Variants in TFRC observed in about 807,000 individuals in gnomAD.
TFRC encodes transferrin receptor.
A neutral mutation model predicts 85.8 loss-of-function variants in TFRC; 35 were observed. The ratio of observed to expected loss-of-function variants is 0.41; its 90% CI spans 0.31 to 0.54. The LOEUF (loss-of-function observed/expected upper bound fraction) is 0.54. Among genes scored for constraint, TFRC ranks in the 20% least tolerant of loss-of-function variants. The pLI is 0.31. For missense variants in TFRC, 828 were observed against 921.5 expected, an observed-to-expected ratio of 0.90 and a Z score of 1.31; for synonymous variants, 362 against 328.6, an observed-to-expected ratio of 1.10 and a Z score of -1.10.
At chr3:196,079,840 A>G (rs1361405915) in intron 1 of TFRC, among the ~76,000 whole-genome samples, 1 of 152,088 alleles carries the variant, frequency 6.6e-6, no homozygotes, top group Non-Finnish European at 1.5e-5. Flanking sequence ...GTTTTTACCC[A>G]CCAACATTCT....
intron 10 of TFRC, 42 bp downstream of exon 10, chr3:196,065,401 C>CA (rs200523802): frequency 0.063 from 64,546 of 1,019,832 alleles, 2,239 homozygotes; most frequent in South Asian, 0.1. Context: ...GAAAAGAAAA[C>CA]AAAAAAAAAG....
intron 1 of TFRC, among the ~76,000 whole-genome samples, chr3:196,080,794 T>C (rs950580449): frequency 2.0e-5 from 3 of 149,428 alleles, no homozygotes; most frequent in Non-Finnish European, 4.4e-5. Context: ...TTATCTTAAC[T>C]CTGAGTTTTC....
chr3:196,051,928 T>C lies in TFRC; in HGVS notation c.*14A>G, dbSNP rs1229158472. On this transcript the variant is annotated 3_prime_UTR_variant, in exon 19 of 19. Transcript: ENST00000360110. ...ACTACCCTGCTGTTCTCATGGAAGCTATGGGTATCACATTTAAAACTCATT... is the reference window on the plus strand; with the variant it reads ...ACTACCCTGCTGTTCTCATGGAAGCCATGGGTATCACATTTAAAACTCATT... 1 of 1,612,848 alleles carries C rather than the reference T, an allele frequency of 6.2e-7. No individual in the cohort carries two copies. The highest frequency in any genetic ancestry group is 8.5e-7 in the Non-Finnish European group (1 of 1,179,066).
intron 2 of TFRC, among the ~76,000 whole-genome samples, chr3:196,076,163 A>G (rs1718677546): frequency 1.3e-5 from 2 of 151,980 alleles, no homozygotes; most frequent in Admixed American, 6.6e-5. Context: ...AATAAAAATA[A>G]ATAAATAAAT....
intron 16 of TFRC, among the ~76,000 whole-genome samples, chr3:196,056,546 T>G (rs1716810633): frequency 6.6e-6 from 1 of 150,548 alleles, no homozygotes; most frequent in Non-Finnish European, 1.5e-5. Flanking sequence ...ATTATAGGCA[T>G]GTGCCACCAT....
chr3:196,050,090 TC>T lies in TFRC; in HGVS notation c.*1851del. Reference sequence around the variant, plus strand: ...CTCCTTCCCCACAGCCCCCAAACCTTCTATACAAAGTCCCTCTGCTTTAAGT... The same window carrying T: ...CTCCTTCCCCACAGCCCCCAAACCTTTATACAAAGTCCCTCTGCTTTAAGT... On this transcript the variant is annotated 3_prime_UTR_variant, in exon 19 of 19. Coordinates refer to ENST00000360110, the MANE Select transcript of TFRC (RefSeq NM_001128148.3). 8.6e-6 allele frequency: 2 copies of T among 231,492 alleles called. No homozygotes were observed. The highest frequency in any genetic ancestry group is 1.2e-4 in the East Asian group (2 of 16,354). 14.3% of individuals were successfully genotyped at this position (231,492 alleles called of 1,614,324 possible).
chr3:196,054,830 A>G (rs1411728513), intron 17 of TFRC, among the ~76,000 whole-genome samples: 2 of 152,212 alleles, frequency 1.3e-5, no homozygotes, highest in Admixed American at 1.3e-4. Context: ...CCTGGGAGAC[A>G]TGAGTGACAG....
chr3:196,055,229 T>G lies in TFRC; in HGVS notation c.1750A>C (p.Asn584His). The G allele has an allele frequency of 6.2e-7, 1 of 1,614,190 alleles. No homozygotes were observed. Among genetic ancestry groups the G allele is most frequent in the South Asian group, 1.1e-5 (1 of 91,080 alleles). The change falls in exon 17 of 19, where the codon AAC becomes CAC. Residue 584 changes from asparagine to histidine, a missense_variant. Physicochemically the swap from Asn to His is moderately conservative, Grantham distance 68. Coordinates refer to ENST00000360110, the MANE Select transcript of TFRC (RefSeq NM_001128148.3). ...TCTGCAGCTGCTCGTGCCACTTTGT[T>G]CAACTCAGGAATCCTCTCAATCAGT... ...KELIERIPEL[N>H]KVARAAAEVA...
chr3:196,078,833 G>A (rs1228137891), intron 1 of TFRC, among the ~76,000 whole-genome samples: 1 of 150,828 alleles, frequency 6.6e-6, no homozygotes, highest in African/African-American at 2.4e-5. Flanking sequence ...GGAGTGCAAT[G>A]GCAGGATCTC....
At chr3:196,075,403 TGTTTAGGAAAAGCTC>T (rs781404859) in intron 2 of TFRC, 43 bp from the exon 3 acceptor site, 27 of 1,602,516 alleles carry the variant, frequency 1.7e-5, no homozygotes, top group Middle Eastern at 1.7e-4. Context: ...GGCACGGGAA[TGTTTAGGAAAAGCTC>T]GTTTAGGTAT....
chr3:196,057,348 T>G (rs988374918), intron 16 of TFRC, among the ~76,000 whole-genome samples: 6 of 152,142 alleles, frequency 3.9e-5, no homozygotes, highest in African/African-American at 1.4e-4. Flanking sequence ...ACGTACCCCC[T>G]GCTTGCCCAA....
rs200614662 is a variant in TFRC at position 196,058,277 on chromosome 3, G to A, written c.1677+7C>T. On this transcript the variant is annotated splice_region_variant and intron_variant, in intron 16 of 18. Coordinates refer to ENST00000360110, the MANE Select transcript of TFRC (RefSeq NM_001128148.3). ...TCTCCATTTGTCATTTAAATGAACAGACTTACCTCGCAAAAACAGAAAGAA... is the reference window on the plus strand; with the variant it reads ...TCTCCATTTGTCATTTAAATGAACAAACTTACCTCGCAAAAACAGAAAGAA... 1 of 1,612,266 alleles carries A rather than the reference G, an allele frequency of 6.2e-7. No homozygotes were observed. Among genetic ancestry groups the A allele is most frequent in the Admixed American group, 1.7e-5 (1 of 59,918 alleles).
At chr3:196,075,046 CAAAAAA>C (rs56119775) in intron 3 of TFRC, 107 bp downstream of exon 3, 34 of 529,458 alleles carry the variant, frequency 6.4e-5, no homozygotes, top group East Asian at 2.8e-4. Flanking sequence ...CCTCTGTCTC[CAAAAAA>C]AAAAAAAAAA....
chr3:196,062,384 TTAGCTGGGTGTGG>T (rs1229421886), intron 13 of TFRC, 185 bp downstream of exon 13: 14 of 543,472 alleles, frequency 2.6e-5, no homozygotes, highest in Non-Finnish European at 4.6e-5. Flanking sequence ...ATACAAAAAA[TTAGCTGGGTGTGG>T]TAGTGAGCAC....
At chr3:196,056,242 GCTGGTCTCACTC>G (rs1366288392) in intron 16 of TFRC, among the ~76,000 whole-genome samples, 1 of 152,138 alleles carries the variant, frequency 6.6e-6, no homozygotes, top group Non-Finnish European at 1.5e-5. Context: ...CGTTACCCAG[GCTGGTCTCACTC>G]CTGGCCTCAA....
Position 196,055,094 on chromosome 3 carries a change from T to C in TFRC, c.1885A>G (p.Arg629Gly), listed in dbSNP as rs1716659097. 6.2e-7 allele frequency: 1 copy of C among 1,614,072 alleles called. No individual in the cohort carries two copies. Among genetic ancestry groups the C allele is most frequent in the African/African-American group, 1.3e-5 (1 of 74,946 alleles). ...LSFVRDLNQY[R>G]ADIKEMGLSL... is the part of the protein sequence containing the mutation. ...TCAGTGCTCACCTTTATGTCTGCTC[T>C]GTATTGGTTCAGATCCCTCACAAAT... Residue 629 changes from arginine (R) to glycine (G), a missense_variant, in exon 17 of 19, where the codon AGA (arginine) becomes GGA (glycine). Coordinates refer to ENST00000360110, the MANE Select transcript of TFRC (RefSeq NM_001128148.3).
At chr3:196,079,480 G>A (rs1253519721) in intron 1 of TFRC, among the ~76,000 whole-genome samples, 4 of 152,172 alleles carry the variant, frequency 2.6e-5, no homozygotes, top group Non-Finnish European at 5.9e-5. Context: ...CGGGCATGGT[G>A]GCGCATGCCT....
intron 7 of TFRC, among the ~76,000 whole-genome samples, chr3:196,068,927 C>CAAAAAAAAAA (rs55642820): frequency 1.2e-5 from 1 of 85,276 alleles, no homozygotes; most frequent in Non-Finnish European, 2.2e-5. Flanking sequence ...GACTCCGTCT[C>CAAAAAAAAAA]AAAAAAAAAA....
intron 18 of TFRC, 147 bp downstream of exon 18, chr3:196,053,271 C>T: frequency 1.1e-6 from 1 of 873,532 alleles, no homozygotes. Flanking sequence ...AATTAGACAG[C>T]AGAAACAGAA....
Sources: allele counts gnomAD v4.1 joint callset (sites outside exome capture counted in the v4.1 genomes callset), GRCh38; gene constraint gnomAD v4.1.1; transcripts MANE v1.5; gene names NCBI Gene and HGNC (gene_info 2026-07-23, HGNC 2026-07-21).